The following HSF2BP variants were observed in gnomAD, a reference collection of about 807,000 sequenced individuals.
HSF2BP encodes the protein heat shock transcription factor 2 binding protein, also known as heat shock factor 2-binding protein.
Under a neutral mutation model 35.0 loss-of-function variants are expected in HSF2BP, and 35 were observed. That is an observed-to-expected ratio of 1.00 (90% CI 0.76 to 1.32). The LOEUF (loss-of-function observed/expected upper bound fraction) is 1.32, where lower values mean the gene tolerates loss of function less well. Among genes scored for constraint, HSF2BP ranks in the 40% most tolerant of loss-of-function variants. The pLI, the probability that HSF2BP is intolerant of heterozygous loss-of-function variation, is 0.00. For synonymous variants in HSF2BP, 114 were observed against 117.4 expected, an observed-to-expected ratio of 0.97 and a Z score of 0.18; for missense variants, 326 against 321.7, an observed-to-expected ratio of 1.01 and a Z score of -0.10.
At chr21:43,572,080 C>T (rs537195815) in intron 8 of HSF2BP, among the ~76,000 whole-genome samples, 6 of 152,258 alleles carry the variant, frequency 3.9e-5, no homozygotes, top group South Asian at 4.2e-4. Flanking sequence ...AGCAAGAGGA[C>T]GCATGGCCTG....
At chr21:43,455,174 G>A in the HSF2BP span, among the ~76,000 whole-genome samples, 20 of 47,416 alleles carry the variant, frequency 4.2e-4, 5 homozygotes, top group Non-Finnish European at 7.2e-4. Context: ...TTCTACCCCC[G>A]CCAGGTGAGC....
chr21:43,571,901 C>G (rs1442568841), intron 8 of HSF2BP, among the ~76,000 whole-genome samples: 1 of 149,414 alleles, frequency 6.7e-6, no homozygotes, highest in African/African-American at 2.5e-5. Flanking sequence ...TGTGAAAGAT[C>G]AGTCTAACAA....
At chr21:43,596,886 CAAA>C (rs869038891) in intron 7 of HSF2BP, among the ~76,000 whole-genome samples, 4 of 30,654 alleles carry the variant, frequency 1.3e-4, no homozygotes, top group Non-Finnish European at 6.2e-5. Flanking sequence ...GACCCTGTCT[CAAA>C]AAAAAAAAAA....
chr21:43,602,531 A>C (rs1317642347), intron 7 of HSF2BP, among the ~76,000 whole-genome samples: 1 of 152,208 alleles, frequency 6.6e-6, no homozygotes, highest in Non-Finnish European at 1.5e-5. Context: ...GATGACATTC[A>C]ACTGGTAACA....
chr21:43,573,946 T>C (rs2081607786), intron 8 of HSF2BP, among the ~76,000 whole-genome samples: 1 of 152,168 alleles, frequency 6.6e-6, no homozygotes, highest in Non-Finnish European at 1.5e-5. Flanking sequence ...AGTCATCTTG[T>C]CTGCATGGGA....
chr21:43,458,191 C>T, the HSF2BP span, among the ~76,000 whole-genome samples: 1 of 73,304 alleles, frequency 1.4e-5, no homozygotes, highest in Non-Finnish European at 2.7e-5. Flanking sequence ...CCTCCTCCCT[C>T]GCTCTCAACC....
chr21:43,595,379 C>T (rs907566257), intron 7 of HSF2BP, among the ~76,000 whole-genome samples: 1 of 152,136 alleles, frequency 6.6e-6, no homozygotes, highest in Non-Finnish European at 1.5e-5. Context: ...AGAAAACAGA[C>T]TGAGTGCAGT....
chr21:43,581,593 G>T (rs1324171577), intron 8 of HSF2BP, among the ~76,000 whole-genome samples: 1 of 152,098 alleles, frequency 6.6e-6, no homozygotes, highest in Admixed American at 6.5e-5. Context: ...TCTCCAGGTG[G>T]CCAGGAACAC....
chr21:43,625,640 G>C (rs547747923), intron 6 of HSF2BP, among the ~76,000 whole-genome samples: 7 of 152,120 alleles, frequency 4.6e-5, no homozygotes, highest in African/African-American at 1.4e-4. Flanking sequence ...CCATTTGAGA[G>C]CTAACCCATG....
chr21:43,658,203 C>G lies in HSF2BP; in HGVS notation c.-107G>C. 1 of 1,300,084 alleles carries G rather than the reference C, an allele frequency of 7.7e-7. No individual in the cohort carries two copies. Among genetic ancestry groups the G allele is most frequent in the Non-Finnish European group, 1.0e-6 (1 of 978,602 alleles). The allele number at this position is 1,300,084 out of a possible 1,614,324, so 80.5% of individuals were successfully genotyped here. A position where few individuals can be genotyped will look rare whatever the true frequency, so the allele number is the denominator to read the frequency against. ...CACGCCGGGGGTCGGGAACGGAGAGCCGCCAGGCCCAAACCTCCCAGAATT... is the reference window on the plus strand; with the variant it reads ...CACGCCGGGGGTCGGGAACGGAGAGGCGCCAGGCCCAAACCTCCCAGAATT... On this transcript the variant is annotated 5_prime_UTR_variant, in exon 2 of 9. Coordinates refer to ENST00000291560, the MANE Select transcript of HSF2BP (RefSeq NM_007031.2).
intron 7 of HSF2BP, among the ~76,000 whole-genome samples, chr21:43,592,565 G>A (rs566122452): frequency 4.6e-5 from 7 of 152,194 alleles, no homozygotes; most frequent in South Asian, 2.1e-4. Flanking sequence ...CAAGAGTCTC[G>A]ATTGCAGAGA....
Position 43,578,805 on chromosome 21 carries a change from T to A in HSF2BP, c.796+13420A>T, listed in dbSNP as rs1279016148. 3.3e-5 allele frequency among the ~76,000 whole-genome samples: 5 copies of A among 152,194 alleles called. No individual in the cohort carries two copies. The East Asian group carries it at 9.6e-4, about 29-fold the overall frequency. ...CTGTGCTGTTTCTGGGCTGAAGCTG[T>A]GTGGCTGTCCAGGGCCATGGCTGTC... On this transcript the variant is annotated intron_variant, in intron 8 of 8. Transcript: ENST00000291560.
At chr21:43,605,585 A>G (rs1022594344) in intron 7 of HSF2BP, among the ~76,000 whole-genome samples, 3 of 146,146 alleles carry the variant, frequency 2.1e-5, no homozygotes, top group African/African-American at 7.6e-5. Context: ...CCCCCAACAT[A>G]CACATACCAC....
Position 43,592,331 on chromosome 21 carries a change from G to A in HSF2BP, c.693-3C>T. 2 of 1,600,402 alleles carry A rather than the reference G, an allele frequency of 1.2e-6. No individual in the cohort carries two copies. Among genetic ancestry groups the A allele is most frequent in the Non-Finnish European group, 1.7e-6 (2 of 1,167,618 alleles). The stretch of plus-strand genomic sequence containing the variant: ...TGTATAGGGACATCAGCATTAGCCT[G>A]AAATGTAAAAGAAAAAGGTGTTGGA... On this transcript the variant is annotated splice_region_variant and splice_polypyrimidine_tract_variant and intron_variant, in intron 7 of 8. Coordinates refer to ENST00000291560, the MANE Select transcript of HSF2BP (RefSeq NM_007031.2).
Position 43,659,364 on chromosome 21 carries a change from T to C in HSF2BP, c.-225+22A>G, listed in dbSNP as rs2051407. On this transcript the variant is annotated intron_variant, in intron 1 of 8. Transcript: ENST00000291560. The surrounding 1 kb of genome is among the most constrained non-coding windows in gnomAD (Gnocchi z 4.2). ...CAAACAGCCTTCCGTCTCTTCCTGGTCAAGTCCTAACCCTGGCTAACCTCG... is the reference window on the plus strand; with the variant it reads ...CAAACAGCCTTCCGTCTCTTCCTGGCCAAGTCCTAACCCTGGCTAACCTCG... 0.68 allele frequency: 118,399 copies of C among 174,372 alleles called. 40,756 individuals carry two copies. Among genetic ancestry groups the C allele is most frequent in the East Asian group, 0.79 (5,106 of 6,480 alleles). 10.8% of individuals were successfully genotyped at this position (174,372 alleles called of 1,614,324 possible).
chr21:43,587,897 C>A (rs2081875707), intron 8 of HSF2BP, among the ~76,000 whole-genome samples: 2 of 152,088 alleles, frequency 1.3e-5, no homozygotes, highest in South Asian at 2.1e-4. Flanking sequence ...TTTCACTCAC[C>A]CCCGGAAACT....
the HSF2BP span, among the ~76,000 whole-genome samples, chr21:43,467,886 CA>C: frequency 8.1e-6 from 1 of 124,004 alleles, no homozygotes; most frequent in Non-Finnish European, 1.8e-5. Context: ...ACACCACACA[CA>C]CCACACACCA....
chr21:43,574,503 A>G (rs1324358182), intron 8 of HSF2BP, among the ~76,000 whole-genome samples: 2 of 151,762 alleles, frequency 1.3e-5, no homozygotes, highest in East Asian at 1.9e-4. Context: ...GACTACAGGC[A>G]CCCGCCACCA....
chr21:43,642,846 C>A (rs2082657603), intron 4 of HSF2BP, among the ~76,000 whole-genome samples: 1 of 131,766 alleles, frequency 7.6e-6, no homozygotes, highest in Non-Finnish European at 1.5e-5. Flanking sequence ...GTTGCCCAGG[C>A]TGGAGTGCAG....
Sources: allele counts gnomAD v4.1 joint callset (sites outside exome capture counted in the v4.1 genomes callset), GRCh38; gene constraint gnomAD v4.1.1; non-coding constraint Gnocchi (gnomAD v3.1); transcripts MANE v1.5; gene names NCBI Gene and HGNC (gene_info 2026-07-23, HGNC 2026-07-21).